Variants in ZNF536 observed in about 807,000 individuals in gnomAD.
The protein encoded by ZNF536 is zinc finger protein 536.
Under a neutral mutation model 84.5 loss-of-function variants are expected in ZNF536, and 13 were observed. That is an observed-to-expected ratio of 0.15 (90% confidence interval 0.10 to 0.24). The LOEUF is 0.24. Ranked by LOEUF, ZNF536 falls within the 10% of genes least tolerant of loss-of-function variation. The probability of loss-of-function intolerance (pLI) is 1.00; values close to 1 mark genes in which losing one functional copy is unlikely to be tolerated. For missense variants in ZNF536, 1,536 were observed against 1,747.5 expected, an observed-to-expected ratio of 0.88 and a Z score of 2.16; for synonymous variants, 811 against 742.5, an observed-to-expected ratio of 1.09 and a Z score of -1.50.
At chr19:30,318,590 T>G (rs1026280605) in intron 2 of ZNF536, among the ~76,000 whole-genome samples, 1 of 152,270 alleles carries the variant, frequency 6.6e-6, no homozygotes, top group East Asian at 1.9e-4. Flanking sequence ...TGACTCTGTG[T>G]GCAGGCTACA....
chr19:30,648,614 C>G (rs8109449), intron 1 of ZNF536, among the ~76,000 whole-genome samples: 2,937 of 152,258 alleles, frequency 0.019, 87 homozygotes, highest in African/African-American at 0.067. Flanking sequence ...TAGTCCTTTT[C>G]ACATTGTTTC....
chr19:30,527,860 C>A (rs914159398), intron 2 of ZNF536, among the ~76,000 whole-genome samples: 1 of 152,162 alleles, frequency 6.6e-6, no homozygotes, highest in Non-Finnish European at 1.5e-5. Context: ...CTGAAAAGAT[C>A]TTCAAGCCCT....
chr19:30,630,569 G>GGCCCGCAGACCCT (rs2048852719), intron 1 of ZNF536, among the ~76,000 whole-genome samples: 1 of 152,172 alleles, frequency 6.6e-6, no homozygotes, highest in Non-Finnish European at 1.5e-5. Context: ...TTTCAGCCCT[G>GGCCCGCAGACCCT]GCCCGCAGAC....
At chr19:30,383,519 G>A (rs368074799) in intron 1 of ZNF536, among the ~76,000 whole-genome samples, 65 of 100,052 alleles carry the variant, frequency 6.5e-4, no homozygotes, top group South Asian at 1.7e-3. Context: ...CCTAAACCAC[G>A]TACACACCTG....
intron 2 of ZNF536, among the ~76,000 whole-genome samples, chr19:30,478,354 C>T (rs2053936106): frequency 6.6e-6 from 1 of 152,084 alleles, no homozygotes; most frequent in Non-Finnish European, 1.5e-5. Flanking sequence ...GGGGCTCCGC[C>T]AGCTTCTATT....
chr19:30,549,305 C>G lies in ZNF536; in HGVS notation c.3686C>G (p.Pro1229Arg), dbSNP rs371124100. The G allele has an allele frequency of 3.1e-6, 5 of 1,612,686 alleles. No individual in the cohort carries two copies. Among genetic ancestry groups the G allele is most frequent in the Non-Finnish European group, 4.2e-6 (5 of 1,179,390 alleles). ...CTGGTCTCACCTTTATCCCAAGCAC[C>G]GGAGAAGCAGTGGCACAGCCAGGGT... is the stretch of plus-strand genomic sequence containing the variant. Reference protein sequence around the residue: ...QGLVSPLSQAPEKQWHSQGLL... With the variant: ...QGLVSPLSQAREKQWHSQGLL... The change falls in exon 4 of 5, where the codon CCG (proline) becomes CGG (arginine). Residue 1229 changes from proline (P) to arginine (R), a missense_variant. This residue lies in a region of ZNF536 where 624 missense variants were observed against 603.1 expected (regional missense o/e 1.03). Coordinates refer to ENST00000355537, the MANE Select transcript of ZNF536 (RefSeq NM_014717.3).
chr19:30,664,204 T>TCTCTCTC (rs1568650184), intron 1 of ZNF536, among the ~76,000 whole-genome samples: 1 of 90,718 alleles, frequency 1.1e-5, no homozygotes, highest in Admixed American at 1.0e-4. Flanking sequence ...TTGCTGAGTT[T>TCTCTCTC]TCTCTCTCTC....
intron 1 of ZNF536, among the ~76,000 whole-genome samples, chr19:30,428,939 G>T (rs895716438): frequency 1.3e-5 from 2 of 152,206 alleles, no homozygotes; most frequent in African/African-American, 2.4e-5. Flanking sequence ...ACCCACAGGG[G>T]GATAGAGAGA....
chr19:30,476,792 C>A (rs1227671130), intron 2 of ZNF536, among the ~76,000 whole-genome samples: 1 of 152,118 alleles, frequency 6.6e-6, no homozygotes, highest in Non-Finnish European at 1.5e-5. Context: ...TAGTGGCTCC[C>A]CATGTGATTT....
intron 2 of ZNF536, among the ~76,000 whole-genome samples, chr19:30,324,890 C>A (rs1363188403): frequency 6.6e-6 from 1 of 152,238 alleles, no homozygotes; most frequent in African/African-American, 2.4e-5. Flanking sequence ...TGAGCTGGCT[C>A]TCCCTAGGGC....
At position 30,443,575 on chromosome 19, in the gene ZNF536, A is replaced by G; in HGVS notation, c.13A>G (p.Ser5Gly). The change falls in exon 2 of 5, where the codon AGC becomes GGC. Residue 5 changes from serine to glycine, a missense_variant. Ser to Gly is a moderately conservative substitution (Grantham distance 56). This residue lies in a region of ZNF536 where 161 missense variants were observed against 178.5 expected (regional missense o/e 0.90). Transcript: ENST00000355537. ...TCTCTTTTCAGGGATGGAAGAAGCG[A>G]GCCTGTGCCTTGGAGTGTCTTCGGC... Reference protein sequence around the residue: MEEASLCLGVSSAEP... With the variant: MEEAGLCLGVSSAEP... The G allele has an allele frequency of 1.3e-6, 2 of 1,550,310 alleles. No individual in the cohort carries two copies. Among genetic ancestry groups the G allele is most frequent in the Non-Finnish European group, 1.7e-6 (2 of 1,151,286 alleles).
At chr19:30,620,951 TC>T (rs914257946) in intron 1 of ZNF536, among the ~76,000 whole-genome samples, 58 of 152,244 alleles carry the variant, frequency 3.8e-4, no homozygotes, top group African/African-American at 1.4e-3. Context: ...TTTATAATAG[TC>T]TTTATATTTT....
intron 1 of ZNF536, among the ~76,000 whole-genome samples, chr19:30,417,096 C>T (rs1027652018): frequency 9.2e-5 from 14 of 151,446 alleles, no homozygotes; most frequent in African/African-American, 3.4e-4. Flanking sequence ...GCCCCAGCCT[C>T]CTGAATAGCT....
chr19:30,409,935 C>T (rs1371317783), intron 1 of ZNF536, among the ~76,000 whole-genome samples: 4 of 151,942 alleles, frequency 2.6e-5, no homozygotes, highest in Non-Finnish European at 5.9e-5. Context: ...CCTGTTTATG[C>T]CTTCTGTCTG....
intron 1 of ZNF536, among the ~76,000 whole-genome samples, chr19:30,570,234 C>T (rs1266695845): frequency 1.3e-5 from 2 of 152,150 alleles, no homozygotes; most frequent in East Asian, 1.9e-4. Context: ...ATTTGGCGTG[C>T]CCCCTGGACA....
upstream of ZNF536, among the ~76,000 whole-genome samples, chr19:30,225,731 G>A (rs1335066587): frequency 7.1e-6 from 1 of 140,540 alleles, no homozygotes; most frequent in East Asian, 2.2e-4. Context: ...GGGGCGCGGC[G>A]CGGGGGGGCG....
At chr19:30,519,676 A>C (rs1405299653) in intron 2 of ZNF536, among the ~76,000 whole-genome samples, 1 of 152,214 alleles carries the variant, frequency 6.6e-6, no homozygotes, top group East Asian at 1.9e-4. Context: ...CTAGTTATGT[A>C]CTTAAAAGGA....
intron 2 of ZNF536, among the ~76,000 whole-genome samples, chr19:30,513,971 C>A (rs1250554575): frequency 1.3e-5 from 2 of 152,206 alleles, no homozygotes; most frequent in Non-Finnish European, 2.9e-5. Context: ...ACGTTGGGTG[C>A]TGTGTGGGAC....
chr19:30,313,247 G>C (rs778502166), intron 2 of ZNF536, among the ~76,000 whole-genome samples: 3 of 152,216 alleles, frequency 2.0e-5, no homozygotes, highest in Non-Finnish European at 2.9e-5. Flanking sequence ...GTAGCTCCCT[G>C]TCCAGGCGCC....
Sources: gnomAD v4.1 joint callset for allele counts (sites outside exome capture counted in the v4.1 genomes callset) on GRCh38, gnomAD v4.1.1 for gene constraint, gnomAD v4.1.1 regional missense constraint, MANE v1.5 for transcripts, NCBI Gene and HGNC (gene_info 2026-07-23, HGNC 2026-07-21) for gene names.